Variants in ASPRV1 observed in about 807,000 individuals in gnomAD.
The protein encoded by ASPRV1 is aspartic peptidase retroviral like 1, also known as retroviral-like aspartic protease 1.
A neutral mutation model predicts 11.0 loss-of-function variants in ASPRV1; 7 were observed. That is an observed-to-expected ratio of 0.64 (90% CI 0.36 to 1.20). The LOEUF is 1.20. ASPRV1 is among the 50% of genes most tolerant of loss of function. The probability of loss-of-function intolerance (pLI) is 0.02; values close to 1 mark genes in which losing one functional copy is unlikely to be tolerated. For missense variants in ASPRV1, 299 were observed against 320.0 expected (o/e 0.93, Z 0.50); for synonymous variants, 136 against 138.4 (o/e 0.98, Z 0.12).
the ASPRV1 span, chr2:69,939,635 G>C: frequency 6.6e-6 from 1 of 152,616 alleles, no homozygotes; most frequent in African/African-American, 2.4e-5. Flanking sequence ...TCATTCCCCT[G>C]AATATTTTTG....
chr2:70,074,133 C>CAAAAAAAAA, the ASPRV1 span, among the ~76,000 whole-genome samples: 2 of 7,820 alleles, frequency 2.6e-4, no homozygotes, highest in African/African-American at 3.5e-4. Flanking sequence ...AACTTCATCT[C>CAAAAAAAAA]AAAAAAAAAA....
the ASPRV1 span, among the ~76,000 whole-genome samples, chr2:69,981,830 A>G: frequency 6.6e-6 from 1 of 152,188 alleles, no homozygotes; most frequent in Admixed American, 6.5e-5. Context: ...AAGTGCTGGG[A>G]TTATAGGCGT....
chr2:70,044,565 T>C, the ASPRV1 span, among the ~76,000 whole-genome samples: 32 of 152,334 alleles, frequency 2.1e-4, no homozygotes, highest in South Asian at 5.6e-3. Context: ...ATTCAGGCGA[T>C]TCTCCTGCCA....
the ASPRV1 span, among the ~76,000 whole-genome samples, chr2:69,981,433 T>C: frequency 3.3e-5 from 5 of 152,208 alleles, no homozygotes; most frequent in Non-Finnish European, 7.3e-5. Flanking sequence ...CTATGTACCA[T>C]ATATTAAGAG....
chr2:69,949,838 CAG>C, the ASPRV1 span, among the ~76,000 whole-genome samples: 1 of 152,156 alleles, frequency 6.6e-6, no homozygotes, highest in Non-Finnish European at 1.5e-5. Context: ...TTTCTTGAGA[CAG>C]AGTCTCACTC....
the ASPRV1 span, among the ~76,000 whole-genome samples, chr2:69,981,355 T>C: frequency 6.6e-6 from 1 of 152,160 alleles, no homozygotes; most frequent in African/African-American, 2.4e-5. Context: ...ATGCTTACAA[T>C]AGAAGGTTAA....
chr2:69,984,184 G>A, the ASPRV1 span, among the ~76,000 whole-genome samples: 1 of 152,020 alleles, frequency 6.6e-6, no homozygotes, highest in Admixed American at 6.6e-5. Flanking sequence ...GATTACAGGG[G>A]TGCACCACCA....
At chr2:70,008,656 C>A in the ASPRV1 span, among the ~76,000 whole-genome samples, 1 of 150,588 alleles carries the variant, frequency 6.6e-6, no homozygotes, top group African/African-American at 2.4e-5. Flanking sequence ...TTTTTAAGTT[C>A]ATCAACTATT....
the ASPRV1 span, among the ~76,000 whole-genome samples, chr2:70,066,189 CAG>C: frequency 2.6e-5 from 4 of 151,996 alleles, no homozygotes; most frequent in African/African-American, 7.2e-5. Flanking sequence ...GCCCAGGAGA[CAG>C]AGACTCTGTC....
At chr2:70,074,202 G>A in the ASPRV1 span, among the ~76,000 whole-genome samples, 1 of 144,124 alleles carries the variant, frequency 6.9e-6, no homozygotes. Context: ...AAGGAGCTAA[G>A]CAGGTGTTAA....
the ASPRV1 span, chr2:70,048,794 C>T: frequency 6.6e-6 from 1 of 152,362 alleles, no homozygotes; most frequent in East Asian, 1.9e-4. Context: ...GGGAAGAATC[C>T]TTCCTTGTCT....
chr2:70,003,366 T>C, the ASPRV1 span: 15 of 152,266 alleles, frequency 9.9e-5, no homozygotes, highest in African/African-American at 2.2e-4. Context: ...TGGTTGTTAA[T>C]GGATGTTAAG....
the ASPRV1 span, chr2:70,086,934 G>C: frequency 6.6e-6 from 1 of 152,342 alleles, no homozygotes; most frequent in East Asian, 1.9e-4. Context: ...CAGGGCGCCC[G>C]GACGCCGGGG....
downstream of ASPRV1, among the ~76,000 whole-genome samples, chr2:69,959,238 T>C (rs3821275): frequency 0.24 from 35,836 of 152,024 alleles, 6,838 homozygotes; most frequent in African/African-American, 0.51. Flanking sequence ...CTGGGATCCC[T>C]GCACGTTCGA....
the ASPRV1 span, among the ~76,000 whole-genome samples, chr2:69,985,190 T>C: frequency 6.6e-6 from 1 of 152,258 alleles, no homozygotes; most frequent in Non-Finnish European, 1.5e-5. Context: ...AAACCTACGC[T>C]CTTTTCTTTG....
chr2:70,033,276 A>AACAC, the ASPRV1 span, among the ~76,000 whole-genome samples: 30,659 of 141,364 alleles, frequency 0.22, 3,554 homozygotes, highest in African/African-American at 0.33. Flanking sequence ...TCAAACAGAA[A>AACAC]ACACACACAC....
At chr2:70,079,912 C>A in the ASPRV1 span, among the ~76,000 whole-genome samples, 10 of 149,292 alleles carry the variant, frequency 6.7e-5, no homozygotes, top group African/African-American at 2.6e-4. Context: ...AATCGGGACA[C>A]AACAAATATT....
chr2:70,065,609 G>A, the ASPRV1 span, among the ~76,000 whole-genome samples: 2 of 151,678 alleles, frequency 1.3e-5, no homozygotes, highest in African/African-American at 4.8e-5. Context: ...TTTAAAAGCA[G>A]GGGCAGGGTG....
the ASPRV1 span, among the ~76,000 whole-genome samples, chr2:70,000,809 A>G: frequency 3.8e-3 from 557 of 147,602 alleles, 12 homozygotes; most frequent in Non-Finnish European, 3.3e-3. Context: ...AAAAAAAAAA[A>G]AAAAAAAAGA....
Sources: gnomAD v4.1 joint callset for allele counts (sites outside exome capture counted in the v4.1 genomes callset) on GRCh38, gnomAD v4.1.1 for gene constraint, MANE v1.5 for transcripts, NCBI Gene and HGNC (gene_info 2026-07-23, HGNC 2026-07-21) for gene names.